Variants in PHACTR2 observed in about 807,000 individuals in gnomAD.
PHACTR2 encodes the protein phosphatase and actin regulator 2, also known as chromosome 6 open reading frame 56.
A neutral mutation model predicts 76.0 loss-of-function variants in PHACTR2; 30 were observed. The observed-to-expected ratio is 0.39, with a 90% confidence interval of 0.30 to 0.54. PHACTR2 has a LOEUF of 0.54. Among genes scored for constraint, PHACTR2 ranks in the 20% least tolerant of loss-of-function variants. The pLI, the probability that PHACTR2 is intolerant of heterozygous loss-of-function variation, is 0.61. For synonymous variants in PHACTR2, 292 were observed against 292.5 expected, an observed-to-expected ratio of 1.00 and a Z score of 0.02; for missense variants, 696 against 781.1, an observed-to-expected ratio of 0.89 and a Z score of 1.30.
intron 1 of PHACTR2, among the ~76,000 whole-genome samples, chr6:143,572,749 C>T (rs963815339): frequency 5.9e-5 from 9 of 152,084 alleles, no homozygotes; most frequent in Non-Finnish European, 8.8e-5. Context: ...GACACGGTTT[C>T]ACCATGTTGG....
rs1305481400 is a variant in PHACTR2, at chr6:143,750,967, G to C, written c.295+1902G>C. 1.3e-5 allele frequency among the ~76,000 whole-genome samples: 2 copies of C among 152,200 alleles called. No individual in the cohort carries two copies. Among genetic ancestry groups the C allele is most frequent in the African/African-American group, 4.8e-5 (2 of 41,448 alleles). On this transcript the variant is annotated intron_variant, in intron 3 of 12. Transcript: ENST00000440869. This position sits in a 1 kb window ranked among gnomAD's most constrained non-coding sequence, Gnocchi z 4.6. ...TTGAAGGTTCCTGAGGATGTCAGTAGTAAATGGAGTCCTTCCCCTTTTCAG... is the reference window on the plus strand; with the variant it reads ...TTGAAGGTTCCTGAGGATGTCAGTACTAAATGGAGTCCTTCCCCTTTTCAG...
Position 143,683,958 on chromosome 6 carries a change from C to T in PHACTR2, c.46+5749C>T, listed in dbSNP as rs73778661. Among the ~76,000 whole-genome samples the T allele has an allele frequency of 2.3e-3, 353 of 152,186 alleles. 1 individual carries two copies. Among genetic ancestry groups the T allele is most frequent in the African/African-American group, 8.1e-3 (337 of 41,530 alleles). On this transcript the variant is annotated intron_variant, in intron 1 of 12. Coordinates refer to ENST00000440869, the MANE Select transcript of PHACTR2 (RefSeq NM_001100164.2). This position sits in a 1 kb window ranked among gnomAD's most constrained non-coding sequence, Gnocchi z 4.1. ...TTACTGCTCTATACTTTGAATTTTTCGTGTAATATAACTTGAAAATACTTC... is the reference window on the plus strand; with the variant it reads ...TTACTGCTCTATACTTTGAATTTTTTGTGTAATATAACTTGAAAATACTTC...
chr6:143,725,138 T>A (rs1778531664), intron 2 of PHACTR2, among the ~76,000 whole-genome samples: 1 of 151,118 alleles, frequency 6.6e-6, no homozygotes, highest in Admixed American at 6.6e-5. Context: ...TTTTGCATAA[T>A]CGCTACCACA....
chr6:143,782,320 G>C lies in PHACTR2; in HGVS notation c.1646-899G>C, dbSNP rs772585797. 6.6e-6 allele frequency among the ~76,000 whole-genome samples: 1 copy of C among 152,090 alleles called. No individual in the cohort carries two copies. Among genetic ancestry groups the C allele is most frequent in the Non-Finnish European group, 1.5e-5 (1 of 68,018 alleles). ...AGGCTTTATATGGTGTTATTTTCCT[G>C]CAAAAGAGTTCATAATAGCACTTTC... is the stretch of plus-strand genomic sequence containing the variant. On this transcript the variant is annotated intron_variant, in intron 9 of 12. Transcript: ENST00000440869. The surrounding 1 kb of genome is among the most constrained non-coding windows in gnomAD (Gnocchi z 4.6).
chr6:143,783,727 A>G lies in PHACTR2; in HGVS notation c.1707+447A>G, dbSNP rs1582877193. On this transcript the variant is annotated intron_variant, in intron 10 of 12. Coordinates refer to ENST00000440869, the MANE Select transcript of PHACTR2 (RefSeq NM_001100164.2). This position sits in a 1 kb window ranked among gnomAD's most constrained non-coding sequence, Gnocchi z 5.2. ...TTTTGAATAATTAACAAGGGTTTTAAGTTGCATTTACTCCATGAAAGTATG... is the reference window on the plus strand; with the variant it reads ...TTTTGAATAATTAACAAGGGTTTTAGGTTGCATTTACTCCATGAAAGTATG... Among the ~76,000 whole-genome samples the G allele has an allele frequency of 6.6e-6, 1 of 152,382 alleles. No individual in the cohort carries two copies. Among genetic ancestry groups the G allele is most frequent in the South Asian group, 2.1e-4 (1 of 4,826 alleles).
chr6:143,757,980 CACACACACAT>C lies in PHACTR2; in HGVS notation c.455-2419_455-2410del, dbSNP rs1562295691. Among the ~76,000 whole-genome samples the C allele has an allele frequency of 6.6e-6, 1 of 150,608 alleles. No homozygotes were observed. Among genetic ancestry groups the C allele is most frequent in the Non-Finnish European group, 1.5e-5 (1 of 68,018 alleles). On this transcript the variant is annotated intron_variant, in intron 4 of 12. Coordinates refer to ENST00000440869, the MANE Select transcript of PHACTR2 (RefSeq NM_001100164.2). The surrounding 1 kb of genome is among the most constrained non-coding windows in gnomAD (Gnocchi z 4.2). ...ACGTGCGCGCACACACACACACACA[CACACACACAT>C]AACTTAAGAATTACCAGAATGACAA...
In PHACTR2 at chr6:143,774,896, G is replaced by A. The variant is rs1189647396; in HGVS notation, c.1589+681G>A. On this transcript the variant is annotated intron_variant, in intron 8 of 12. Transcript: ENST00000440869. This position sits in a 1 kb window ranked among gnomAD's most constrained non-coding sequence, Gnocchi z 5.4. Reference sequence around the variant, plus strand: ...ACTTTACAAGTCCCTTTAACTGGCAGTTTTAATAGAAGTGAGCATTCATGC... The same window carrying A: ...ACTTTACAAGTCCCTTTAACTGGCAATTTTAATAGAAGTGAGCATTCATGC... 2.6e-5 allele frequency among the ~76,000 whole-genome samples: 4 copies of A among 152,234 alleles called. No homozygotes were observed. The highest frequency in any genetic ancestry group is 4.4e-5 in the Non-Finnish European group (3 of 68,040).
rs900119743 is a variant in PHACTR2 at position 143,550,691 on chromosome 6, A to G, written c.217+13484A>G. 6.6e-6 allele frequency among the ~76,000 whole-genome samples: 1 copy of G among 151,940 alleles called. No homozygotes were observed. The highest frequency in any genetic ancestry group is 1.5e-5 in the Non-Finnish European group (1 of 67,942). On this transcript the variant is annotated intron_variant, in intron 1 of 11. Transcript: ENST00000367584. This position sits in a 1 kb window ranked among gnomAD's most constrained non-coding sequence, Gnocchi z 4.8. ...TAGTGTCCAGTGTCTAGAGGACTGT[A>G]CAATTAAGAGGCGGGAATAGATTTA... is the stretch of plus-strand genomic sequence containing the variant.
At chr6:143,574,008 GGTT>G (rs1409780518) in intron 1 of PHACTR2, among the ~76,000 whole-genome samples, 2 of 152,196 alleles carry the variant, frequency 1.3e-5, no homozygotes, top group African/African-American at 2.4e-5. Flanking sequence ...AGCTCAGCTG[GGTT>G]CTCTGCTTAG....
At position 143,618,281 on chromosome 6, in the gene PHACTR2, A is replaced by ACACG. The variant is rs1776091709; in HGVS notation, c.13+9962_13+9963insGCAC. ...AACACACACACACACACACACACAC[A>ACACG]CACACGCACACTCCAGAATGAGTTT... On this transcript the variant is annotated intron_variant, in intron 1 of 11. Coordinates refer to the PHACTR2 transcript ENST00000305766. This position sits in a 1 kb window ranked among gnomAD's most constrained non-coding sequence, Gnocchi z 5.2. 3.4e-5 allele frequency among the ~76,000 whole-genome samples: 5 copies of ACACG among 146,822 alleles called. No individual in the cohort carries two copies. The highest frequency in any genetic ancestry group is 2.0e-4 in the Admixed American group (3 of 14,762).
intron 1 of PHACTR2, among the ~76,000 whole-genome samples, chr6:143,559,674 C>CAGTGATTTTT (rs1775233135): frequency 2.2e-5 from 3 of 133,856 alleles, no homozygotes; most frequent in Non-Finnish European, 4.7e-5. Flanking sequence ...ATAAAAATAC[C>CAGTGATTTTT]AGTGATTTTT....
intron 1 of PHACTR2, among the ~76,000 whole-genome samples, chr6:143,665,774 CA>C (rs1339677060): frequency 1.3e-5 from 2 of 152,192 alleles, no homozygotes; most frequent in Non-Finnish European, 2.9e-5. Flanking sequence ...TCAGAAGCCA[CA>C]GTGATTTTTA....
rs1747767303 is a variant in PHACTR2 at position 143,829,725 on chromosome 6, ATTAAC to A, written c.*6040_*6044del. 6.6e-6 allele frequency: 1 copy of A among 152,242 alleles called. No homozygotes were observed. 9.4% of individuals were successfully genotyped at this position (152,242 alleles called of 1,614,324 possible). A position where few individuals can be genotyped will look rare whatever the true frequency, so the allele number is the denominator to read the frequency against. ...GATGAACTGTGGCTAGCAAAATGGA[ATTAAC>A]TTAGCCACTATAATTTTTTAAAACA... On this transcript the variant is annotated 3_prime_UTR_variant, in exon 13 of 13. Transcript: ENST00000440869.
chr6:143,739,314 C>T lies in PHACTR2; in HGVS notation c.215-9671C>T, dbSNP rs564219643. Among the ~76,000 whole-genome samples the T allele has an allele frequency of 3.3e-5, 5 of 152,282 alleles. No individual in the cohort carries two copies. The South Asian group carries it at 6.2e-4, about 19-fold the overall frequency. Reference sequence around the variant, plus strand: ...TGCTGACCTCATGATCCACCAGCCTCGGCATCCCAAAGTGCTGGGATTACA... The same window carrying T: ...TGCTGACCTCATGATCCACCAGCCTTGGCATCCCAAAGTGCTGGGATTACA... On this transcript the variant is annotated intron_variant, in intron 2 of 12. Transcript: ENST00000440869. The surrounding 1 kb of genome is among the most constrained non-coding windows in gnomAD (Gnocchi z 4.3).
At chr6:143,628,766 A>G (rs1776303100) in intron 1 of PHACTR2, among the ~76,000 whole-genome samples, 1 of 151,688 alleles carries the variant, frequency 6.6e-6, no homozygotes. Context: ...AGGTGGGGGA[A>G]GAGGGAGATC....
At chr6:143,717,620 G>A (rs1321911219) in intron 2 of PHACTR2, among the ~76,000 whole-genome samples, 1 of 151,038 alleles carries the variant, frequency 6.6e-6, no homozygotes, top group African/African-American at 2.4e-5. Flanking sequence ...CCCCCAGGCT[G>A]GAGTGCAGTG....
chr6:143,737,016 A>G (rs1415436374), intron 2 of PHACTR2, among the ~76,000 whole-genome samples: 1 of 152,042 alleles, frequency 6.6e-6, no homozygotes, highest in Non-Finnish European at 1.5e-5. Flanking sequence ...GGATTTGAAC[A>G]CAAAGGTATA....
Position 143,772,394 on chromosome 6 carries a change from G to A in PHACTR2, c.1369G>A (p.Asp457Asn). ...REYQANDSDS[D>N]GPILYTDDED... ...ATACCAAGCCAATGACTCTGACTCGGACGGGCCTATCTTGTACACCGATGA... is the reference window on the plus strand; with the variant it reads ...ATACCAAGCCAATGACTCTGACTCGAACGGGCCTATCTTGTACACCGATGA... Residue 457 changes from aspartate to asparagine, a missense_variant, in exon 7 of 13, where the codon GAC becomes AAC. Around this residue, in one of 2 missense-constraint regions of PHACTR2, gnomAD observed 236 missense variants for 330.2 expected, o/e 0.71. Transcript: ENST00000440869. The surrounding 1 kb of genome is among the most constrained non-coding windows in gnomAD (Gnocchi z 5.4). 6.2e-7 allele frequency: 1 copy of A among 1,614,182 alleles called. No homozygotes were observed. Among genetic ancestry groups the A allele is most frequent in the Non-Finnish European group, 8.5e-7 (1 of 1,180,014 alleles).
intron 1 of PHACTR2, among the ~76,000 whole-genome samples, chr6:143,699,999 G>A (rs1158721941): frequency 1.3e-5 from 2 of 152,058 alleles, no homozygotes; most frequent in Non-Finnish European, 2.9e-5. Context: ...AGATTGTCCG[G>A]GATACTACAT....
Sources: gnomAD v4.1 joint callset for allele counts (sites outside exome capture counted in the v4.1 genomes callset) on GRCh38, gnomAD v4.1.1 for gene constraint, gnomAD v4.1.1 regional missense constraint, Gnocchi (gnomAD v3.1) non-coding constraint, MANE v1.5 for transcripts, NCBI Gene and HGNC (gene_info 2026-07-23, HGNC 2026-07-21) for gene names.